The following BNC2 variants were observed in gnomAD, a reference collection of about 807,000 sequenced individuals.
BNC2 encodes zinc finger protein basonuclin-2.
A neutral mutation model predicts 76.3 loss-of-function variants in BNC2; 20 were observed. The ratio of observed to expected loss-of-function variants is 0.26; its 90% CI spans 0.18 to 0.38. The LOEUF is 0.38. BNC2 is among the 10% of genes least tolerant of loss of function. The probability of loss-of-function intolerance (pLI) is 1.00; values close to 1 mark genes in which losing one functional copy is unlikely to be tolerated. For synonymous variants in BNC2, 582 were observed against 514.8 expected, an observed-to-expected ratio of 1.13 and a Z score of -1.77; for missense variants, 1,382 against 1,399.8, an observed-to-expected ratio of 0.99 and a Z score of 0.20.
At chr9:16,608,936 A>T (rs1820459830) in intron 3 of BNC2, among the ~76,000 whole-genome samples, 1 of 152,144 alleles carries the variant, frequency 6.6e-6, no homozygotes. Flanking sequence ...TGTTTTTATT[A>T]TGTACTTAAG....
In BNC2 at chr9:16,726,558, TTA is replaced by T. The variant is rs1491434737; in HGVS notation, c.330+1237_330+1238del. ...GTGAACTCTTACAAACAAAAGCTTTTTAAAAAAAAAAAAAAAAAAAGCAGTTG... is the reference window on the plus strand; with the variant it reads ...GTGAACTCTTACAAACAAAAGCTTTTAAAAAAAAAAAAAAAAAAGCAGTTG... On this transcript the variant is annotated intron_variant, in intron 3 of 6. Coordinates refer to ENST00000380672, the MANE Select transcript of BNC2 (RefSeq NM_017637.6). Among the ~76,000 whole-genome samples the T allele has an allele frequency of 5.2e-3, 535 of 103,190 alleles. 9 individuals are homozygous for T. Among genetic ancestry groups the T allele is most frequent in the East Asian group, 0.01 (10 of 956 alleles). The allele number at this position is 103,190 out of a possible 152,430, so 67.7% of individuals were successfully genotyped here. A position where few individuals can be genotyped will look rare whatever the true frequency, so the allele number is the denominator to read the frequency against.
chr9:16,434,198 A>G (rs770296936), intron 6 of BNC2, among the ~76,000 whole-genome samples: 23 of 152,180 alleles, frequency 1.5e-4, no homozygotes, highest in Non-Finnish European at 2.9e-5. Flanking sequence ...CTTTTCAAAG[A>G]TTGGCCCCCT....
chr9:16,513,050 G>A (rs1170297742), intron 5 of BNC2, among the ~76,000 whole-genome samples: 1 of 151,978 alleles, frequency 6.6e-6, no homozygotes, highest in Non-Finnish European at 1.5e-5. Flanking sequence ...CATGAGAATC[G>A]CTTGAACCTG....
At chr9:16,830,001 G>A (rs1374503052) in intron 1 of BNC2, among the ~76,000 whole-genome samples, 1 of 152,108 alleles carries the variant, frequency 6.6e-6, no homozygotes, top group East Asian at 1.9e-4. Flanking sequence ...TTAAGTTTTA[G>A]AGACTATGTA....
intron 5 of BNC2, among the ~76,000 whole-genome samples, chr9:16,551,828 T>C (rs943200183): frequency 2.0e-5 from 3 of 151,966 alleles, no homozygotes; most frequent in African/African-American, 7.2e-5. Flanking sequence ...GGATGGGAGA[T>C]GGGGGTGCAT....
intron 5 of BNC2, among the ~76,000 whole-genome samples, chr9:16,535,522 TCTAACC>T (rs1189797344): frequency 6.6e-6 from 1 of 152,144 alleles, no homozygotes. Context: ...AGTAGTTGTA[TCTAACC>T]CTGCTGTTTA....
rs987586410 is a variant in BNC2, at chr9:16,512,871, C to T, written c.669+39659G>A. On this transcript the variant is annotated intron_variant, in intron 5 of 6. Transcript: ENST00000380672. ...TGAGATATGGCTGGGCGTGGTGGCTCATGCCTGAAATCCAAACACTTTGGG... is the reference window on the plus strand; with the variant it reads ...TGAGATATGGCTGGGCGTGGTGGCTTATGCCTGAAATCCAAACACTTTGGG... Among the ~76,000 whole-genome samples the T allele has an allele frequency of 2.0e-5, 3 of 151,804 alleles. No homozygotes were observed. In the East Asian group the frequency reaches 5.9e-4, roughly 30 times the overall value.
intron 1 of BNC2, among the ~76,000 whole-genome samples, chr9:16,788,552 CAAA>C (rs397960619): frequency 5.0e-5 from 4 of 80,452 alleles, no homozygotes; most frequent in Non-Finnish European, 5.4e-5. Flanking sequence ...CACTCCTTCT[CAAA>C]AAAAAAAAAA....
At chr9:16,646,062 C>A (rs773101672) in intron 3 of BNC2, among the ~76,000 whole-genome samples, 1 of 152,212 alleles carries the variant, frequency 6.6e-6, no homozygotes, top group African/African-American at 2.4e-5. Context: ...CACAGCAACA[C>A]GTCTACCTTC....
chr9:16,480,315 T>C (rs1372162305), intron 5 of BNC2, among the ~76,000 whole-genome samples: 2 of 152,208 alleles, frequency 1.3e-5, no homozygotes, highest in East Asian at 3.9e-4. Context: ...TGTTAAATCA[T>C]TACCATCCCA....
chr9:16,743,959 T>TGTTTGTTC (rs1232226051), intron 1 of BNC2, among the ~76,000 whole-genome samples: 1 of 148,532 alleles, frequency 6.7e-6, no homozygotes, highest in Non-Finnish European at 1.5e-5. Context: ...GACTGCAGTT[T>TGTTTGTTC]GTTTGTTTGT....
chr9:16,597,754 T>G (rs1411874207), intron 3 of BNC2, among the ~76,000 whole-genome samples: 2 of 152,140 alleles, frequency 1.3e-5, no homozygotes, highest in Non-Finnish European at 2.9e-5. Context: ...TAATCTTAAG[T>G]GTACAAAATA....
At chr9:16,514,177 G>C (rs968831747) in intron 5 of BNC2, among the ~76,000 whole-genome samples, 1 of 152,140 alleles carries the variant, frequency 6.6e-6, no homozygotes, top group East Asian at 1.9e-4. Flanking sequence ...AGGTTCACCT[G>C]ATTACTCAAG....
chr9:16,583,103 A>T lies in BNC2; in HGVS notation c.331-18T>A, dbSNP rs765296977. Reference sequence around the variant, plus strand: ...CGGATGGCCTGAAAAATAAAGGAGGAAAAAAAGGTCAGCATCTGTTCAAAG... The same window carrying T: ...CGGATGGCCTGAAAAATAAAGGAGGTAAAAAAGGTCAGCATCTGTTCAAAG... On this transcript the variant is annotated intron_variant, in intron 3 of 6. Transcript: ENST00000380672. The T allele has an allele frequency of 1.3e-6, 2 of 1,590,112 alleles. No homozygotes were observed. Among genetic ancestry groups the T allele is most frequent in the Non-Finnish European group, 1.7e-6 (2 of 1,158,910 alleles).
intron 1 of BNC2, among the ~76,000 whole-genome samples, chr9:16,800,088 G>C (rs1817745788): frequency 6.6e-6 from 1 of 152,034 alleles, no homozygotes; most frequent in South Asian, 2.1e-4. Flanking sequence ...AGCCAGGCAT[G>C]GTAGCAGGCG....
chr9:16,523,831 C>T (rs1817705170), intron 5 of BNC2, among the ~76,000 whole-genome samples: 1 of 152,088 alleles, frequency 6.6e-6, no homozygotes, highest in African/African-American at 2.4e-5. Flanking sequence ...GAGGCTGAGG[C>T]AGGAGAATCG....
intron 5 of BNC2, among the ~76,000 whole-genome samples, chr9:16,525,132 TAGATA>T (rs1817758004): frequency 8.6e-6 from 1 of 115,988 alleles, no homozygotes; most frequent in African/African-American, 4.3e-5. Context: ...AAAATACTAG[TAGATA>T]ACATTGATAA....
intron 6 of BNC2, among the ~76,000 whole-genome samples, chr9:16,432,796 G>A (rs1820932308): frequency 6.6e-6 from 1 of 152,120 alleles, no homozygotes; most frequent in Admixed American, 6.6e-5. Flanking sequence ...AAGGTCTGTT[G>A]GCTCAAGAAA....
At chr9:16,420,437 C>T (rs1318658715) in intron 6 of BNC2, among the ~76,000 whole-genome samples, 2 of 151,108 alleles carry the variant, frequency 1.3e-5, no homozygotes, top group African/African-American at 4.9e-5. Flanking sequence ...TTCTTTAAGA[C>T]AAAAACGGAA....
Sources: gnomAD v4.1 joint callset for allele counts (sites outside exome capture counted in the v4.1 genomes callset) on GRCh38, gnomAD v4.1.1 for gene constraint, MANE v1.5 for transcripts, NCBI Gene and HGNC (gene_info 2026-07-23, HGNC 2026-07-21) for gene names.